Variants in MIR2052HG observed in about 807,000 individuals in gnomAD.
MIR2052HG encodes MIR2052 host gene.
chr8:74,702,697 C>T (rs1809369976), intron 3 of MIR2052HG, among the ~76,000 whole-genome samples: 1 of 151,974 alleles, frequency 6.6e-6, no homozygotes, highest in African/African-American at 2.4e-5. Context: ...TTCTGAAGTA[C>T]CAAGAAAGGA....
chr8:74,652,903 G>T (rs1345761646), intron 2 of MIR2052HG, among the ~76,000 whole-genome samples: 1 of 152,040 alleles, frequency 6.6e-6, no homozygotes, highest in Non-Finnish European at 1.5e-5. Flanking sequence ...ATTTAAATTG[G>T]GCTCCTGAGT....
chr8:74,639,861 G>T (rs1430563909), intron 2 of MIR2052HG, among the ~76,000 whole-genome samples: 1 of 151,788 alleles, frequency 6.6e-6, no homozygotes, highest in Non-Finnish European at 1.5e-5. Context: ...GAGCTGATGT[G>T]GACATTTGTA....
chr8:74,705,013 T>C (rs1289868096), intron 4 of MIR2052HG, among the ~76,000 whole-genome samples: 1 of 151,986 alleles, frequency 6.6e-6, no homozygotes, highest in Non-Finnish European at 1.5e-5. Flanking sequence ...CATGATGGTA[T>C]AGCAGCTCAG....
At chr8:74,693,813 A>T (rs1809267514) in intron 2 of MIR2052HG, among the ~76,000 whole-genome samples, 1 of 151,882 alleles carries the variant, frequency 6.6e-6, no homozygotes, top group Non-Finnish European at 1.5e-5. Flanking sequence ...AGCAAGCCCC[A>T]CCCAAGGAAA....
intron 2 of MIR2052HG, among the ~76,000 whole-genome samples, chr8:74,673,726 C>T (rs1809017962): frequency 6.6e-6 from 1 of 151,576 alleles, no homozygotes. Context: ...CATCTGTGTT[C>T]TTAGAACAAG....
At chr8:74,734,876 C>A (rs1462364042) in intron 4 of MIR2052HG, among the ~76,000 whole-genome samples, 1 of 152,222 alleles carries the variant, frequency 6.6e-6, no homozygotes, top group Non-Finnish European at 1.5e-5. Flanking sequence ...TCGATTTTCT[C>A]AGCTCACTGT....
rs533155746 is a variant in MIR2052HG, at chr8:74,732,887, A to C, written n.372-19554A>C. The stretch of plus-strand genomic sequence containing the variant: ...GGGTTGAGGAGGTGGGTGAAGGCTG[A>C]CTTGTAGGCTTGGGTAGGGAGTCTG... On this transcript the variant is annotated intron_variant and non_coding_transcript_variant, in intron 4 of 6. Coordinates refer to ENST00000523442, the Ensembl canonical transcript of MIR2052HG. Among the ~76,000 whole-genome samples the C allele has an allele frequency of 2.0e-3, 307 of 152,176 alleles. 2 individuals are homozygous for C. Among genetic ancestry groups the C allele is most frequent in the Non-Finnish European group, 3.7e-3 (250 of 68,002 alleles).
chr8:74,615,955 T>A (rs1808276277), intron 2 of MIR2052HG, among the ~76,000 whole-genome samples: 1 of 152,212 alleles, frequency 6.6e-6, no homozygotes, highest in Non-Finnish European at 1.5e-5. Context: ...CATTTTTTTA[T>A]GGCTGCATAG....
chr8:74,616,935 T>C (rs781052431), intron 2 of MIR2052HG, among the ~76,000 whole-genome samples: 1 of 151,944 alleles, frequency 6.6e-6, no homozygotes, highest in Non-Finnish European at 1.5e-5. Flanking sequence ...GTTTCAGGTA[T>C]TGAGGCTATG....
chr8:74,626,511 T>C (rs145692851), intron 2 of MIR2052HG, among the ~76,000 whole-genome samples: 1 of 152,330 alleles, frequency 6.6e-6, no homozygotes, highest in East Asian at 1.9e-4. Context: ...TTTGAGAATA[T>C]AGAGAATATT....
intron 2 of MIR2052HG, among the ~76,000 whole-genome samples, chr8:74,675,533 T>C (rs10957736): frequency 0.24 from 37,024 of 151,826 alleles, 5,529 homozygotes; most frequent in East Asian, 0.65. Context: ...AACCAATCCC[T>C]GAAGATACCA....
chr8:74,624,256 C>A (rs998348948), intron 2 of MIR2052HG, among the ~76,000 whole-genome samples: 5 of 152,222 alleles, frequency 3.3e-5, no homozygotes, highest in Non-Finnish European at 5.9e-5. Context: ...GCATATCATT[C>A]TTTTCCACAT....
intron 1 of MIR2052HG, among the ~76,000 whole-genome samples, chr8:74,611,307 C>A (rs1006868404): frequency 1.5e-4 from 23 of 152,056 alleles, no homozygotes; most frequent in African/African-American, 5.3e-4. Context: ...ATTAAAAACA[C>A]TGACAACATC....
chr8:74,673,887 GTATA>G lies in MIR2052HG; in HGVS notation n.217-28471_217-28468del, dbSNP rs61228134. 4.4e-4 allele frequency among the ~76,000 whole-genome samples: 54 copies of G among 121,656 alleles called. 2 individuals carry two copies. The highest frequency in any genetic ancestry group is 1.9e-3 in the African/African-American group (48 of 25,512). The allele number at this position is 121,656 out of a possible 152,430, so 79.8% of individuals were successfully genotyped here. On this transcript the variant is annotated intron_variant and non_coding_transcript_variant, in intron 2 of 6. Transcript: ENST00000523442. ...GTCACAATCAACACAGTATTTTTTT[GTATA>G]TATATATATATATATATATACACAC...
At chr8:74,685,938 G>A in intron 2 of MIR2052HG, among the ~76,000 whole-genome samples, 1 of 151,932 alleles carries the variant, frequency 6.6e-6, no homozygotes, top group South Asian at 2.1e-4. Context: ...ACTTTCAAAA[G>A]CAGCTTTTTA....
chr8:74,747,082 T>C (rs144651247), intron 4 of MIR2052HG, among the ~76,000 whole-genome samples: 2,191 of 152,268 alleles, frequency 0.014, 54 homozygotes, highest in African/African-American at 0.047. Context: ...GATATTTCTA[T>C]ACATATACTC....
At chr8:74,703,986 G>A (rs1202613912) in intron 4 of MIR2052HG, among the ~76,000 whole-genome samples, 2 of 152,012 alleles carry the variant, frequency 1.3e-5, no homozygotes, top group African/African-American at 2.4e-5. Context: ...TTTTGGAGAG[G>A]AGTAGTTATA....
chr8:74,695,992 A>C (rs961169508), intron 2 of MIR2052HG, among the ~76,000 whole-genome samples: 4 of 152,178 alleles, frequency 2.6e-5, no homozygotes, highest in Non-Finnish European at 5.9e-5. Context: ...TATTTACAGA[A>C]TGTTCTACTT....
intron 4 of MIR2052HG, among the ~76,000 whole-genome samples, chr8:74,716,946 G>A (rs945841927): frequency 2.0e-5 from 3 of 151,836 alleles, no homozygotes; most frequent in Non-Finnish European, 4.4e-5. Flanking sequence ...TTATATACAG[G>A]TGAAAGAAAA....
Sources: allele counts gnomAD v4.1 joint callset (sites outside exome capture counted in the v4.1 genomes callset), GRCh38; gene constraint gnomAD v4.1.1; transcripts MANE v1.5; gene names NCBI Gene and HGNC (gene_info 2026-07-23, HGNC 2026-07-21).